The following SLC43A1 variants were observed in gnomAD, a reference collection of about 807,000 sequenced individuals.
The protein encoded by SLC43A1 is large neutral amino acids transporter small subunit 3.
In SLC43A1, 31 loss-of-function variants were observed where a neutral mutation model predicts 59.5. The observed-to-expected ratio is 0.52, with a 90% confidence interval of 0.39 to 0.70. The LOEUF (loss-of-function observed/expected upper bound fraction) is 0.70. Among genes scored for constraint, SLC43A1 ranks in the 30% least tolerant of loss-of-function variants. The probability of loss-of-function intolerance (pLI) is 0.00; values close to 1 mark genes in which losing one functional copy is unlikely to be tolerated. For missense variants in SLC43A1, 598 were observed against 717.8 expected (o/e 0.83, Z 1.91); for synonymous variants, 259 against 290.9 (o/e 0.89, Z 1.12).
intron 13 of SLC43A1, among the ~76,000 whole-genome samples, chr11:57,488,378 G>A (rs955739114): frequency 1.6e-4 from 24 of 152,166 alleles, no homozygotes; most frequent in Non-Finnish European, 3.2e-4. Context: ...GCCCTCTGCC[G>A]AGACCGCTGC....
At chr11:57,495,965 C>T in intron 7 of SLC43A1, 66 bp downstream of exon 7, 1 of 1,555,904 alleles carries the variant, frequency 6.4e-7, no homozygotes, top group South Asian at 1.2e-5. Context: ...AAAGTTAATT[C>T]CGTCTATCAT....
At chr11:57,491,540 C>G (rs754698568) in intron 10 of SLC43A1, 51 bp downstream of exon 10, 1 of 1,610,680 alleles carries the variant, frequency 6.2e-7, no homozygotes, top group Non-Finnish European at 8.5e-7. Flanking sequence ...CCCTGAGAAG[C>G]GGGTTGCAGT....
At chr11:57,496,684 G>A (rs758281843) in intron 6 of SLC43A1, among the ~76,000 whole-genome samples, 2 of 152,216 alleles carry the variant, frequency 1.3e-5, no homozygotes, top group African/African-American at 2.4e-5. Flanking sequence ...CAACAACTGG[G>A]GGGGTTGGGG....
In SLC43A1 at chr11:57,514,236, G is replaced by GAAA; in HGVS notation, c.-13-113_-13-112insTTT. ...GGCCAGCCCGCGAGGAGCCCCTCAT[G>GAAA]GAGGCCCCATAGAGCCCTGGGCTTC... On this transcript the variant is annotated intron_variant, in intron 1 of 14. Transcript: ENST00000278426. The surrounding 1 kb of genome is among the most constrained non-coding windows in gnomAD (Gnocchi z 5.5). 7.7e-7 allele frequency: 1 copy of GAAA among 1,293,010 alleles called. No homozygotes were observed. Among genetic ancestry groups the GAAA allele is most frequent in the South Asian group, 1.5e-5 (1 of 64,850 alleles). 80.1% of individuals were successfully genotyped at this position (1,293,010 alleles called of 1,614,324 possible). A position where few individuals can be genotyped will look rare whatever the true frequency, so the allele number is the denominator to read the frequency against.
intron 5 of SLC43A1, 80 bp downstream of exon 5, chr11:57,500,699 C>G: frequency 7.8e-7 from 1 of 1,283,426 alleles, no homozygotes; most frequent in African/African-American, 1.5e-5. Context: ...CCAGCCCATT[C>G]ATACTGCCCT....
rs150091167 is a variant in SLC43A1, at chr11:57,488,510, A to T, written c.1409+406T>A. The stretch of plus-strand genomic sequence containing the variant: ...GTAATGTCCTGTTACTCCATCACAT[A>T]CACAGGGGAGAGTCCCTCAGCAGCG... On this transcript the variant is annotated intron_variant, in intron 13 of 14. Coordinates refer to ENST00000278426, the MANE Select transcript of SLC43A1 (RefSeq NM_003627.6). Among the ~76,000 whole-genome samples the T allele has an allele frequency of 6.9e-4, 105 of 152,282 alleles. 1 individual carries two copies. Among genetic ancestry groups the T allele is most frequent in the Middle Eastern group, 3.4e-3 (1 of 294 alleles).
In SLC43A1 at chr11:57,484,896, A is replaced by G; in HGVS notation, c.*200T>C. 1 of 554,602 alleles carries G rather than the reference A, an allele frequency of 1.8e-6. No individual in the cohort carries two copies. Among genetic ancestry groups the G allele is most frequent in the Non-Finnish European group, 3.0e-6 (1 of 328,412 alleles). The allele number at this position is 554,602 out of a possible 1,614,324, so 34.4% of individuals were successfully genotyped here. On this transcript the variant is annotated 3_prime_UTR_variant, in exon 15 of 15. Transcript: ENST00000278426. ...GATAGGGACTGTCTTCAGTCAATGGAGCGTTGACTTAGGGGGCGTTTTTGA... is the reference window on the plus strand; with the variant it reads ...GATAGGGACTGTCTTCAGTCAATGGGGCGTTGACTTAGGGGGCGTTTTTGA...
At chr11:57,488,801 G>C (rs2135147238) in intron 13 of SLC43A1, 115 bp downstream of exon 13, 1 of 850,500 alleles carries the variant, frequency 1.2e-6, no homozygotes, top group Non-Finnish European at 2.0e-6. Flanking sequence ...CCTGCCATCA[G>C]AGGGTCTCAG....
chr11:57,513,953 C>A lies in SLC43A1; in HGVS notation c.154+5G>T. 1 of 870,448 alleles carries A rather than the reference C, an allele frequency of 1.1e-6. No homozygotes were observed. Among genetic ancestry groups the A allele is most frequent in the Non-Finnish European group, 1.8e-6 (1 of 565,314 alleles). The allele number at this position is 870,448 out of a possible 1,614,324, so 53.9% of individuals were successfully genotyped here. ...CCAGCCCACCCAGCCCATTTTCAGG[C>A]ATACCTGGGCACGTGCTGGAATAGA... On this transcript the variant is annotated splice_donor_5th_base_variant and intron_variant, in intron 2 of 14. Coordinates refer to ENST00000278426, the MANE Select transcript of SLC43A1 (RefSeq NM_003627.6).
At chr11:57,498,707 G>A (rs1227161745) in intron 5 of SLC43A1, among the ~76,000 whole-genome samples, 1 of 152,162 alleles carries the variant, frequency 6.6e-6, no homozygotes, top group Admixed American at 6.5e-5. Flanking sequence ...CCTGGGAGGT[G>A]AGGGTGGAAA....
intron 2 of SLC43A1, among the ~76,000 whole-genome samples, chr11:57,505,526 C>CA (rs143644830): frequency 0.099 from 14,918 of 150,926 alleles, 865 homozygotes; most frequent in African/African-American, 0.16. Context: ...AAACTAACAA[C>CA]AACAAAAAAA....
chr11:57,501,363 C>A (rs1944263683), intron 2 of SLC43A1, 34 bp from the exon 3 acceptor site: 1 of 1,600,160 alleles, frequency 6.2e-7, no homozygotes, highest in African/African-American at 1.3e-5. Flanking sequence ...CAGCACATGA[C>A]ACCAGGAACA....
At chr11:57,494,214 G>C in intron 7 of SLC43A1, 43 bp from the exon 8 acceptor site, 1 of 1,582,320 alleles carries the variant, frequency 6.3e-7, no homozygotes, top group South Asian at 1.2e-5. Context: ...CAGTCACACA[G>C]AGCCCACCTT....
intron 2 of SLC43A1, among the ~76,000 whole-genome samples, chr11:57,508,462 G>C (rs1300621654): frequency 2.0e-5 from 3 of 152,156 alleles, no homozygotes; most frequent in Non-Finnish European, 2.9e-5. Context: ...CCAAGAAGCA[G>C]AAAACGGACA....
chr11:57,486,193 A>G (rs1943721462), intron 14 of SLC43A1, among the ~76,000 whole-genome samples: 2 of 152,218 alleles, frequency 1.3e-5, no homozygotes, highest in Non-Finnish European at 2.9e-5. Flanking sequence ...TACTAAAAAC[A>G]GACTCCTAGG....
chr11:57,511,642 C>G (rs1279038007), intron 2 of SLC43A1, among the ~76,000 whole-genome samples: 2 of 152,008 alleles, frequency 1.3e-5, no homozygotes, highest in African/African-American at 4.8e-5. Context: ...TGAAAACAAC[C>G]CAAATCTCCA....
At chr11:57,508,491 G>GA (rs1227966606) in intron 2 of SLC43A1, among the ~76,000 whole-genome samples, 1 of 152,144 alleles carries the variant, frequency 6.6e-6, no homozygotes, top group Non-Finnish European at 1.5e-5. Context: ...CATGCAGCAT[G>GA]ACTGAGGCAG....
In SLC43A1 at chr11:57,491,745, T is replaced by C. The variant is rs1943910981; in HGVS notation, c.989A>G (p.Glu330Gly). ...FYMAAVNKML[E>G]YLVTGGQEHE... ...CTCCTGGCCACCAGTCACAAGGTAC[T>C]CCAGCATCTTGTTCACAGCAGCCAT... The change falls in exon 9 of 15, where the codon GAG (glutamate) becomes GGG (glycine). Residue 330 changes from glutamate (E) to glycine (G), a missense_variant. By Grantham distance (98) the Glu-to-Gly change is moderately conservative. Coordinates refer to ENST00000278426, the MANE Select transcript of SLC43A1 (RefSeq NM_003627.6). The C allele has an allele frequency of 6.2e-6, 10 of 1,614,102 alleles. No individual in the cohort carries two copies. The Admixed American group carries it at 1.5e-4, about 24-fold the overall frequency.
chr11:57,487,324 G>T, intron 13 of SLC43A1, 106 bp from the exon 14 acceptor site: 1 of 1,390,542 alleles, frequency 7.2e-7, no homozygotes, highest in Non-Finnish European at 9.8e-7. Flanking sequence ...AGGCAGGGTG[G>T]TGCTTAAGCG....
Sources: allele counts gnomAD v4.1 joint callset (sites outside exome capture counted in the v4.1 genomes callset), GRCh38; gene constraint gnomAD v4.1.1; non-coding constraint Gnocchi (gnomAD v3.1); transcripts MANE v1.5; gene names NCBI Gene and HGNC (gene_info 2026-07-23, HGNC 2026-07-21).